The following SCRN1 variants were observed in gnomAD, a reference collection of about 807,000 sequenced individuals.
SCRN1 encodes secernin-1.
SCRN1 carries 19 observed loss-of-function variants against 43.3 expected under a neutral mutation model. That is an observed-to-expected ratio of 0.44 (90% CI 0.31 to 0.64). The LOEUF (loss-of-function observed/expected upper bound fraction) is 0.64, where lower values mean the gene tolerates loss of function less well. Among genes scored for constraint, SCRN1 ranks in the 30% least tolerant of loss-of-function variants. The pLI is 0.09. For synonymous variants in SCRN1, 183 were observed against 188.9 expected (o/e 0.97, Z 0.26); for missense variants, 447 against 524.1 (o/e 0.85, Z 1.44).
chr7:29,939,588 T>C (rs1350842380), intron 5 of SCRN1, among the ~76,000 whole-genome samples: 1 of 152,212 alleles, frequency 6.6e-6, no homozygotes, highest in Non-Finnish European at 1.5e-5. Flanking sequence ...TCTGCCATTA[T>C]AGTGAGAAAG....
At position 29,944,574 on chromosome 7, in the gene SCRN1, G is replaced by A. The variant is rs182536605; in HGVS notation, c.342-395C>T. Among the ~76,000 whole-genome samples, 514 of 148,952 alleles carry A rather than the reference G, an allele frequency of 3.5e-3. 6 individuals carry two copies. Among genetic ancestry groups the A allele is most frequent in the African/African-American group, 0.012 (490 of 40,340 alleles). On this transcript the variant is annotated intron_variant, in intron 3 of 7. Coordinates refer to ENST00000242059, the MANE Select transcript of SCRN1 (RefSeq NM_014766.5). Reference sequence around the variant, plus strand: ...GCTACTTGGAAGGCTGAGGTGGTACGATCGCTTAAGCCAAGCAGGTCGAGG... The same window carrying A: ...GCTACTTGGAAGGCTGAGGTGGTACAATCGCTTAAGCCAAGCAGGTCGAGG...
chr7:29,970,040 C>T, intron 1 of SCRN1: 2 of 360,906 alleles, frequency 5.5e-6, no homozygotes, highest in Non-Finnish European at 1.1e-5. Context: ...CCACCATCTC[C>T]AGCCTGGACC....
chr7:29,949,975 T>C (rs573273503), intron 3 of SCRN1, among the ~76,000 whole-genome samples: 89 of 152,306 alleles, frequency 5.8e-4, no homozygotes, highest in African/African-American at 2.1e-3. Context: ...GAGGAGCCAC[T>C]GTGAAGATGC....
chr7:29,969,109 A>G (rs373367166), intron 1 of SCRN1, 41 bp from the exon 2 acceptor site: 11 of 1,593,280 alleles, frequency 6.9e-6, no homozygotes, highest in Middle Eastern at 1.7e-4. Flanking sequence ...CAGGCCTCAC[A>G]TGGAACACTC....
intron 6 of SCRN1, 32 bp from the exon 7 acceptor site, chr7:29,926,664 C>T (rs1207490714): frequency 6.3e-7 from 1 of 1,594,888 alleles, no homozygotes; most frequent in Non-Finnish European, 8.6e-7. Context: ...TTCAGCCAGG[C>T]AGAGGCTGGG....
At position 29,932,131 on chromosome 7, in the gene SCRN1, A is replaced by G. The variant is rs574680153; in HGVS notation, c.905+4425T>C. On this transcript the variant is annotated intron_variant, in intron 6 of 7. Transcript: ENST00000242059. The stretch of plus-strand genomic sequence containing the variant: ...ATGGCGGCTCTGGGGGGTTTTGAAA[A>G]GTCAGATGTGTAGGACAGAGAGAGG... Among the ~76,000 whole-genome samples the G allele has an allele frequency of 6.7e-5, 10 of 148,262 alleles. No individual in the cohort carries two copies. In the South Asian group the frequency reaches 2.1e-3, roughly 32 times the overall value.
Position 29,920,508 on chromosome 7 carries a change from C to CA in SCRN1, c.*3448dup, listed in dbSNP as rs1188068634. On this transcript the variant is annotated 3_prime_UTR_variant, in exon 8 of 8. Coordinates refer to ENST00000242059, the MANE Select transcript of SCRN1 (RefSeq NM_014766.5). The stretch of plus-strand genomic sequence containing the variant: ...GAAGCATAAGCTTGTGCTGCAACGG[C>CA]ATGTGCACATGACCTGCTGCTCCTG... 3.9e-5 allele frequency: 6 copies of CA among 152,308 alleles called. No homozygotes were observed. Among genetic ancestry groups the CA allele is most frequent in the Non-Finnish European group, 8.8e-5 (6 of 68,122 alleles). The allele number at this position is 152,308 out of a possible 1,614,324, so 9.4% of individuals were successfully genotyped here. A position where few individuals can be genotyped will look rare whatever the true frequency, so the allele number is the denominator to read the frequency against.
At chr7:29,943,038 CA>C (rs1273941188) in intron 4 of SCRN1, among the ~76,000 whole-genome samples, 1 of 152,204 alleles carries the variant, frequency 6.6e-6, no homozygotes, top group African/African-American at 2.4e-5. Context: ...GGACGGCACA[CA>C]AGTTTCATCC....
chr7:29,988,575 T>C (rs888149158), intron 1 of SCRN1: 2 of 152,420 alleles, frequency 1.3e-5, no homozygotes, highest in African/African-American at 2.4e-5. Flanking sequence ...CATGCTGCCA[T>C]TTTGAATTAG....
upstream of SCRN1, chr7:29,989,985 G>A: frequency 7.1e-7 from 1 of 1,409,488 alleles, no homozygotes; most frequent in Non-Finnish European, 9.2e-7. Context: ...GAGCGGCCGA[G>A]AGGGCGTATC....
At chr7:29,944,763 A>G (rs1787678138) in intron 3 of SCRN1, among the ~76,000 whole-genome samples, 3 of 151,798 alleles carry the variant, frequency 2.0e-5, no homozygotes, top group Non-Finnish European at 4.4e-5. Context: ...TCAGGAACCC[A>G]GTGTCTTCTC....
Position 29,969,049 on chromosome 7 carries a change from T to C in SCRN1, c.19A>G (p.Ser7Gly), listed in dbSNP as rs145849289. Residue 7 changes from serine (S) to glycine (G), a missense_variant, in exon 2 of 8, where the codon AGT (serine) becomes GGT (glycine). By Grantham distance (56) the Ser-to-Gly change is moderately conservative. Transcript: ENST00000242059. MAAAPP[S>G]YCFVAFPPRA... ...GGAGGGAAGGCAACAAAACAGTAAC[T>C]TGGAGGAGCTGCAGCCATCCTGAAA... 4 of 1,612,954 alleles carry C rather than the reference T, an allele frequency of 2.5e-6. No individual in the cohort carries two copies. The highest frequency in any genetic ancestry group is 2.7e-5 in the African/African-American group (2 of 74,668).
chr7:29,986,556 A>C (rs189712439), intron 1 of SCRN1, among the ~76,000 whole-genome samples: 2 of 152,210 alleles, frequency 1.3e-5, no homozygotes, highest in Admixed American at 1.3e-4. Flanking sequence ...ACTCTAATGA[A>C]AACGGATTTA....
intron 3 of SCRN1, among the ~76,000 whole-genome samples, chr7:29,945,378 G>A (rs1787703110): frequency 6.6e-6 from 1 of 152,158 alleles, no homozygotes; most frequent in South Asian, 2.1e-4. Context: ...AGACTCACAA[G>A]ATCTGATGAG....
At chr7:29,988,681 G>C (rs1789247030) in intron 1 of SCRN1, 1 of 152,472 alleles carries the variant, frequency 6.6e-6, no homozygotes, top group South Asian at 2.1e-4. Context: ...CACCCCACCC[G>C]GCTGCCGGAC....
Position 29,968,899 on chromosome 7 carries a change from C to G in SCRN1, c.159+10G>C. ...GAGTGTGACTCGCGAGACTGCAATG[C>G]ACGGCTTACCTCAACCTTGCTCTCC... On this transcript the variant is annotated intron_variant, in intron 2 of 7. Transcript: ENST00000242059. The G allele has an allele frequency of 6.2e-7, 1 of 1,614,128 alleles. No individual in the cohort carries two copies. Among genetic ancestry groups the G allele is most frequent in the Non-Finnish European group, 8.5e-7 (1 of 1,180,014 alleles).
rs551240207 is a variant in SCRN1 at position 29,979,751 on chromosome 7, T to C, written c.-2+9891A>G. ...AAGGAAAGAGGAGAGATTAATGGAA[T>C]GGCATCTGTTCTTGGATACATTTTT... On this transcript the variant is annotated intron_variant, in intron 1 of 7. Transcript: ENST00000242059. Among the ~76,000 whole-genome samples the C allele has an allele frequency of 8.5e-5, 13 of 152,356 alleles. No individual in the cohort carries two copies. The East Asian group carries it at 2.5e-3, about 29-fold the overall frequency.
At chr7:29,947,449 C>T in intron 3 of SCRN1, 1 of 1,231,960 alleles carries the variant, frequency 8.1e-7, no homozygotes, top group Non-Finnish European at 1.1e-6. Context: ...TATCTCAAAT[C>T]AGGTAAAACT....
At position 29,986,956 on chromosome 7, in the gene SCRN1, C is replaced by T. The variant is rs898702450; in HGVS notation, c.-2+2686G>A. Among the ~76,000 whole-genome samples the T allele has an allele frequency of 2.6e-4, 40 of 152,056 alleles. 1 individual carries two copies. The highest frequency in any genetic ancestry group is 2.6e-3 in the Admixed American group (39 of 15,272). On this transcript the variant is annotated intron_variant, in intron 1 of 7. Transcript: ENST00000242059. ...AGCCAGGATGGTCTCGATCTCCTGA[C>T]CTCGTGATCCGCCCGCCTCGGCCTC...
Sources: allele counts gnomAD v4.1 joint callset (sites outside exome capture counted in the v4.1 genomes callset), GRCh38; gene constraint gnomAD v4.1.1; transcripts MANE v1.5; gene names NCBI Gene and HGNC (gene_info 2026-07-23, HGNC 2026-07-21).